Variants in RBFOX1 observed in about 807,000 individuals in gnomAD.
RBFOX1 encodes the protein RNA binding protein fox-1 homolog 1.
Under a neutral mutation model 57.7 loss-of-function variants are expected in RBFOX1, and 8 were observed. That is an observed-to-expected ratio of 0.14 (90% CI 0.08 to 0.25). RBFOX1 has a LOEUF of 0.25. RBFOX1 is among the 10% of genes least tolerant of loss of function. The probability of loss-of-function intolerance (pLI) is 1.00; values close to 1 mark genes in which losing one functional copy is unlikely to be tolerated. For synonymous variants in RBFOX1, 326 were observed against 222.4 expected (o/e 1.47, Z -4.15); for missense variants, 611 against 548.5 (o/e 1.11, Z -1.14).
At chr16:7,263,263 C>A (rs1014506551) in intron 4 of RBFOX1, among the ~76,000 whole-genome samples, 1 of 152,138 alleles carries the variant, frequency 6.6e-6, no homozygotes, top group African/African-American at 2.4e-5. Context: ...ATCCTTAGTA[C>A]CCAGGAAGCA....
At position 5,297,788 on chromosome 16, in the gene RBFOX1, C is replaced by G. The variant is rs543552847; in HGVS notation, c.219+57683C>G. ...TGTAAGATTTTAGGTAGACCAATAG[C>G]TGATTTTGGGCGCTACACCGACTTG... On this transcript the variant is annotated intron_variant, in intron 1 of 2. Coordinates refer to the RBFOX1 transcript ENST00000585867. Among the ~76,000 whole-genome samples the G allele has an allele frequency of 2.6e-5, 4 of 152,270 alleles. No individual in the cohort carries two copies. In the East Asian group the frequency reaches 7.7e-4, roughly 29 times the overall value.
At chr16:6,786,352 G>T (rs1357856770) in intron 3 of RBFOX1, among the ~76,000 whole-genome samples, 1 of 152,142 alleles carries the variant, frequency 6.6e-6, no homozygotes. Flanking sequence ...CCACAATGAG[G>T]AGAGTCCCTG....
chr16:6,870,330 G>C (rs978063375), intron 3 of RBFOX1, among the ~76,000 whole-genome samples: 22 of 152,190 alleles, frequency 1.4e-4, no homozygotes, highest in Admixed American at 2.0e-4. Flanking sequence ...AGCACTGCTA[G>C]GAAACAGAAA....
At chr16:6,815,933 T>G (rs995360896) in intron 3 of RBFOX1, among the ~76,000 whole-genome samples, 2 of 152,220 alleles carry the variant, frequency 1.3e-5, no homozygotes, top group Non-Finnish European at 2.9e-5. Context: ...TCTTGAGAAG[T>G]AAGAAACTTG....
chr16:6,115,619 C>A (rs1223661411), intron 1 of RBFOX1, among the ~76,000 whole-genome samples: 1 of 152,128 alleles, frequency 6.6e-6, no homozygotes, highest in African/African-American at 2.4e-5. Context: ...TATAGCATAT[C>A]TTTACTCTAA....
At chr16:6,209,021 C>A (rs2097274315) in intron 1 of RBFOX1, among the ~76,000 whole-genome samples, 1 of 152,120 alleles carries the variant, frequency 6.6e-6, no homozygotes, top group East Asian at 1.9e-4. Context: ...ATCTTACAAC[C>A]TTGAAGGATA....
intron 3 of RBFOX1, among the ~76,000 whole-genome samples, chr16:5,726,467 T>G (rs1376985305): frequency 6.6e-6 from 1 of 152,170 alleles, no homozygotes; most frequent in Non-Finnish European, 1.5e-5. Flanking sequence ...GGACCTTCAC[T>G]TTCTTTGTCC....
At chr16:7,040,229 C>T (rs2153705038) in intron 3 of RBFOX1, among the ~76,000 whole-genome samples, 1 of 152,018 alleles carries the variant, frequency 6.6e-6, no homozygotes, top group East Asian at 1.9e-4. Flanking sequence ...CCATGTTGGC[C>T]AGGATGGTCT....
chr16:5,665,367 T>C (rs369810692), intron 3 of RBFOX1, among the ~76,000 whole-genome samples: 1 of 152,282 alleles, frequency 6.6e-6, no homozygotes, highest in African/African-American at 2.4e-5. Flanking sequence ...TTTAAGGACA[T>C]CCTATCTTAT....
At chr16:6,134,596 G>A (rs2096652687) in intron 1 of RBFOX1, among the ~76,000 whole-genome samples, 1 of 152,092 alleles carries the variant, frequency 6.6e-6, no homozygotes, top group Admixed American at 6.6e-5. Context: ...GTATGGGCTG[G>A]GACAGGCAGT....
At chr16:5,367,592 C>G (rs980391233) in intron 1 of RBFOX1, among the ~76,000 whole-genome samples, 1 of 152,216 alleles carries the variant, frequency 6.6e-6, no homozygotes, top group African/African-American at 2.4e-5. Context: ...ACTTCATTAT[C>G]TTACTGGTAC....
chr16:5,975,587 G>A (rs1028854197), intron 4 of RBFOX1, among the ~76,000 whole-genome samples: 2 of 152,130 alleles, frequency 1.3e-5, no homozygotes, highest in African/African-American at 4.8e-5. Flanking sequence ...CTGAACCAGT[G>A]TATTCATCTT....
intron 1 of RBFOX1, among the ~76,000 whole-genome samples, chr16:6,174,347 C>T (rs2096986694): frequency 1.3e-5 from 2 of 152,190 alleles, no homozygotes; most frequent in African/African-American, 4.8e-5. Context: ...GTCATCTGAA[C>T]ACTTTGGGAG....
intron 4 of RBFOX1, among the ~76,000 whole-genome samples, chr16:5,956,406 T>C (rs2059640059): frequency 1.3e-5 from 2 of 151,890 alleles, no homozygotes; most frequent in East Asian, 3.9e-4. Flanking sequence ...ATGGTCTCTC[T>C]GGAATTTAAA....
chr16:6,274,219 G>A (rs1044425270), intron 1 of RBFOX1, among the ~76,000 whole-genome samples: 8 of 152,066 alleles, frequency 5.3e-5, no homozygotes, highest in African/African-American at 1.9e-4. Flanking sequence ...CCAGAGACAT[G>A]GAAACATGTT....
At chr16:5,293,799 G>T (rs970929528) in intron 1 of RBFOX1, among the ~76,000 whole-genome samples, 13 of 151,548 alleles carry the variant, frequency 8.6e-5, no homozygotes, top group African/African-American at 2.7e-4. Flanking sequence ...GTTATTTTTT[G>T]GGGGGGCGGG....
At chr16:6,797,171 T>A (rs2084262108) in intron 3 of RBFOX1, among the ~76,000 whole-genome samples, 1 of 152,190 alleles carries the variant, frequency 6.6e-6, no homozygotes, top group Non-Finnish European at 1.5e-5. Flanking sequence ...GCAGAATTTG[T>A]TAGCAAGGAT....
chr16:5,502,780 C>G (rs907722850), intron 2 of RBFOX1, among the ~76,000 whole-genome samples: 2 of 152,188 alleles, frequency 1.3e-5, no homozygotes, highest in African/African-American at 4.8e-5. Context: ...AAGGCTGGAA[C>G]TTTATCAGAC....
intron 1 of RBFOX1, among the ~76,000 whole-genome samples, chr16:6,096,515 G>C (rs1409889677): frequency 6.6e-6 from 1 of 152,080 alleles, no homozygotes; most frequent in Admixed American, 6.6e-5. Context: ...AATGATTTTG[G>C]AATTCCTGGC....
Sources: allele counts gnomAD v4.1 joint callset (sites outside exome capture counted in the v4.1 genomes callset), GRCh38; gene constraint gnomAD v4.1.1; transcripts MANE v1.5; gene names NCBI Gene and HGNC (gene_info 2026-07-23, HGNC 2026-07-21).